Variants in TRIM71 observed in about 807,000 individuals in gnomAD.
TRIM71 encodes the protein E3 ubiquitin-protein ligase TRIM71.
In TRIM71, 9 loss-of-function variants were observed where a neutral mutation model predicts 61.2. The ratio of observed to expected loss-of-function variants is 0.15; its 90% CI spans 0.09 to 0.26. The LOEUF (loss-of-function observed/expected upper bound fraction) is 0.26. TRIM71 is among the 10% of genes least tolerant of loss of function. TRIM71 has a pLI of 1.00. For missense variants in TRIM71, 998 were observed against 1,238.7 expected, an observed-to-expected ratio of 0.81 and a Z score of 2.92; for synonymous variants, 645 against 553.2, an observed-to-expected ratio of 1.17 and a Z score of -2.33.
intron 1 of TRIM71, among the ~76,000 whole-genome samples, chr3:32,854,660 A>G (rs768929971): frequency 2.0e-5 from 3 of 152,124 alleles, no homozygotes; most frequent in Non-Finnish European, 1.5e-5. Context: ...ACTCCTCACA[A>G]AGTTGTTTTA....
intron 2 of TRIM71, among the ~76,000 whole-genome samples, chr3:32,881,897 G>T (rs1177189788): frequency 1.3e-5 from 2 of 152,156 alleles, no homozygotes; most frequent in Admixed American, 6.5e-5. Context: ...CATTGGGTAG[G>T]GCTTTTGTGA....
chr3:32,891,579 G>A lies in TRIM71; in HGVS notation c.2375G>A (p.Gly792Glu). 1.2e-6 allele frequency: 2 copies of A among 1,613,848 alleles called. No individual in the cohort carries two copies. The highest frequency in any genetic ancestry group is 1.1e-5 in the South Asian group (1 of 91,062). Residue 792 changes from glycine (G) to glutamate (E), a missense_variant, in exon 4 of 4, where the codon GGG becomes GAG. Around this residue, in one of 5 missense-constraint regions of TRIM71, gnomAD observed 95 missense variants for 159.0 expected, o/e 0.60. Coordinates refer to ENST00000383763, the MANE Select transcript of TRIM71 (RefSeq NM_001039111.3). This position sits in a 1 kb window ranked among gnomAD's most constrained non-coding sequence, Gnocchi z 8.2. The part of the protein sequence containing the change: ...RFLGSEGTGN[G>E]QFLRPQGVAV... Reference sequence around the variant, plus strand: ...CTGGGCTCGGAGGGCACAGGCAATGGGCAGTTCCTGCGCCCACAAGGGGTA... The same window carrying A: ...CTGGGCTCGGAGGGCACAGGCAATGAGCAGTTCCTGCGCCCACAAGGGGTA...
chr3:32,846,727 C>G (rs1313079394), intron 1 of TRIM71, among the ~76,000 whole-genome samples: 1 of 137,716 alleles, frequency 7.3e-6, no homozygotes, highest in Non-Finnish European at 1.5e-5. Flanking sequence ...TAGTTCTCTT[C>G]TCTCTACTTC....
rs1181259307 is a variant in TRIM71, at chr3:32,873,869, A to C, written c.904A>C (p.Thr302Pro). 2 of 1,613,780 alleles carry C rather than the reference A, an allele frequency of 1.2e-6. No homozygotes were observed. Among genetic ancestry groups the C allele is most frequent in the South Asian group, 1.1e-5 (1 of 91,012 alleles). ...TCSVPICRECTMGRHGGHSFI... is the reference protein window; with the variant it reads ...TCSVPICRECPMGRHGGHSFI... Reference sequence around the variant, plus strand: ...CTCTGTACCCATCTGTCGTGAGTGCACAATGGGCCGGCATGGGGGCCACAG... The same window carrying C: ...CTCTGTACCCATCTGTCGTGAGTGCCCAATGGGCCGGCATGGGGGCCACAG... The change falls in exon 2 of 4, where the codon ACA (threonine) becomes CCA (proline). Residue 302 changes from threonine (T) to proline (P), a missense_variant. Around this residue, in one of 5 missense-constraint regions of TRIM71, gnomAD observed 291 missense variants for 431.2 expected, o/e 0.67. Transcript: ENST00000383763.
intron 1 of TRIM71, among the ~76,000 whole-genome samples, chr3:32,822,768 G>C (rs949342705): frequency 3.3e-5 from 5 of 152,196 alleles, no homozygotes; most frequent in African/African-American, 1.2e-4. Context: ...CTCTTTTTAA[G>C]GGTGTGAAAT....
At chr3:32,858,147 T>C (rs1407607733) in intron 1 of TRIM71, among the ~76,000 whole-genome samples, 1 of 152,110 alleles carries the variant, frequency 6.6e-6, no homozygotes, top group Non-Finnish European at 1.5e-5. Context: ...AATCTATGTA[T>C]AAGTGGACCC....
intron 2 of TRIM71, among the ~76,000 whole-genome samples, chr3:32,876,697 CATT>C (rs1420292417): frequency 2.0e-5 from 3 of 152,138 alleles, no homozygotes; most frequent in Non-Finnish European, 4.4e-5. Flanking sequence ...ACAGTTGGAG[CATT>C]ATTGAGAGAA....
At chr3:32,868,666 C>A (rs1696765012) in intron 1 of TRIM71, among the ~76,000 whole-genome samples, 3 of 142,226 alleles carry the variant, frequency 2.1e-5, no homozygotes, top group African/African-American at 2.5e-5. Context: ...AAAGTGGAGA[C>A]AATTGAGTGA....
chr3:32,844,044 G>A lies in TRIM71; in HGVS notation c.852+25112G>A, dbSNP rs181254438. On this transcript the variant is annotated intron_variant, in intron 1 of 3. Transcript: ENST00000383763. ...AACTATGAGAGCCGAAGTATTTTAC[G>A]GGGAAATTATCTGTAGTGACTGCCC... Among the ~76,000 whole-genome samples the A allele has an allele frequency of 2.0e-5, 3 of 152,248 alleles. No individual in the cohort carries two copies. In the East Asian group the frequency reaches 5.8e-4, roughly 29 times the overall value.
At position 32,894,290 on chromosome 3, in the gene TRIM71, C is replaced by T. The variant is rs1216896783; in HGVS notation, c.*2479C>T. The T allele has an allele frequency of 1.3e-5, 2 of 152,062 alleles. No homozygotes were observed. Among genetic ancestry groups the T allele is most frequent in the African/African-American group, 2.4e-5 (1 of 41,390 alleles). The allele number at this position is 152,062 out of a possible 1,614,324, so 9.4% of individuals were successfully genotyped here. On this transcript the variant is annotated 3_prime_UTR_variant, in exon 4 of 4. Coordinates refer to ENST00000383763, the MANE Select transcript of TRIM71 (RefSeq NM_001039111.3). ...TCATTTTCATTCTGCTCTTTTCTTT[C>T]TAATTTCCCCAGATGTAGGAAAATT...
chr3:32,831,145 G>A (rs892961605), intron 1 of TRIM71, among the ~76,000 whole-genome samples: 4 of 152,168 alleles, frequency 2.6e-5, no homozygotes, highest in Admixed American at 2.0e-4. Context: ...TATAGATGGG[G>A]GTGGGGGACC....
intron 1 of TRIM71, among the ~76,000 whole-genome samples, chr3:32,850,139 G>A (rs1316841935): frequency 6.6e-6 from 1 of 152,218 alleles, no homozygotes; most frequent in East Asian, 1.9e-4. Context: ...CCAAAGGCAG[G>A]TAGTGGGACA....
At chr3:32,866,908 G>A (rs1696742305) in intron 1 of TRIM71, among the ~76,000 whole-genome samples, 1 of 152,086 alleles carries the variant, frequency 6.6e-6, no homozygotes, top group Admixed American at 6.5e-5. Context: ...AGGGAAGAAG[G>A]GAGCATGGTG....
chr3:32,874,108 C>T (rs998125756), intron 2 of TRIM71, 123 bp downstream of exon 2: 25 of 992,200 alleles, frequency 2.5e-5, no homozygotes, highest in Non-Finnish European at 3.6e-5. Flanking sequence ...CAAATGAGCT[C>T]AGGTGACATC....
At chr3:32,853,092 C>T (rs1410354152) in intron 1 of TRIM71, among the ~76,000 whole-genome samples, 1 of 147,878 alleles carries the variant, frequency 6.8e-6, no homozygotes, top group Non-Finnish European at 1.5e-5. Flanking sequence ...AATAATGTAT[C>T]TTGGAGATTA....
intron 1 of TRIM71, among the ~76,000 whole-genome samples, chr3:32,860,761 T>C (rs957185703): frequency 3.3e-5 from 5 of 152,330 alleles, no homozygotes; most frequent in Admixed American, 2.0e-4. Context: ...CTGCCTGGCC[T>C]GGCCTGGGCT....
rs531696815 is a variant in TRIM71, at chr3:32,890,230, G to A, written c.1156-130G>A. 29 of 1,266,400 alleles carry A rather than the reference G, an allele frequency of 2.3e-5. No individual in the cohort carries two copies. The South Asian group carries it at 4.2e-4, about 18-fold the overall frequency. 78.4% of individuals were successfully genotyped at this position (1,266,400 alleles called of 1,614,324 possible). ...TTGCTGCTTTTGAAGAAAGACAGAT[G>A]TCTTTTGTAGACCATCCCACAATAT... On this transcript the variant is annotated intron_variant, in intron 3 of 3. Transcript: ENST00000383763. The surrounding 1 kb of genome is among the most constrained non-coding windows in gnomAD (Gnocchi z 6.2).
chr3:32,865,281 A>T (rs1319265857), intron 1 of TRIM71, among the ~76,000 whole-genome samples: 4 of 152,132 alleles, frequency 2.6e-5, no homozygotes, highest in African/African-American at 9.7e-5. Flanking sequence ...GTTAGCTGAG[A>T]TCACACCACT....
intron 1 of TRIM71, among the ~76,000 whole-genome samples, chr3:32,834,371 C>T (rs910817100): frequency 2.0e-5 from 3 of 152,028 alleles, no homozygotes; most frequent in African/African-American, 4.8e-5. Flanking sequence ...CCAGACTTGC[C>T]TTGATTGAGA....
Sources: allele counts gnomAD v4.1 joint callset (sites outside exome capture counted in the v4.1 genomes callset), GRCh38; gene constraint gnomAD v4.1.1; regional missense constraint gnomAD v4.1.1; non-coding constraint Gnocchi (gnomAD v3.1); transcripts MANE v1.5; gene names NCBI Gene and HGNC (gene_info 2026-07-23, HGNC 2026-07-21).